Variants in NRG2 observed in about 807,000 individuals in gnomAD.
The protein encoded by NRG2 is pro-neuregulin-2, membrane-bound isoform.
In NRG2, 27 loss-of-function variants were observed where a neutral mutation model predicts 73.9. That is an observed-to-expected ratio of 0.37 (90% confidence interval 0.27 to 0.50). The LOEUF (loss-of-function observed/expected upper bound fraction) is 0.50. Among genes scored for constraint, NRG2 ranks in the 20% least tolerant of loss-of-function variants. The pLI, the probability that NRG2 is intolerant of heterozygous loss-of-function variation, is 0.96. For missense variants in NRG2, 1,126 were observed against 1,210.1 expected, an observed-to-expected ratio of 0.93 and a Z score of 1.03; for synonymous variants, 532 against 541.0, an observed-to-expected ratio of 0.98 and a Z score of 0.23.
chr5:140,034,049 C>G (rs1040025751), intron 1 of NRG2, among the ~76,000 whole-genome samples: 1 of 151,988 alleles, frequency 6.6e-6, no homozygotes, highest in Non-Finnish European at 1.5e-5. Flanking sequence ...ACCTCTGCCT[C>G]CCAAGTTCAA....
chr5:139,990,003 T>C (rs1328714847), intron 1 of NRG2, among the ~76,000 whole-genome samples: 4 of 151,454 alleles, frequency 2.6e-5, no homozygotes, highest in South Asian at 2.1e-4. Context: ...TTAGCCAGGA[T>C]GGTCTTGATC....
chr5:139,997,679 G>A (rs1298028159), intron 1 of NRG2, among the ~76,000 whole-genome samples: 1 of 152,214 alleles, frequency 6.6e-6, no homozygotes, highest in Non-Finnish European at 1.5e-5. Flanking sequence ...AGGGCCAAGG[G>A]CTCAGGAGTC....
chr5:139,969,063 A>T (rs143927006), intron 1 of NRG2, among the ~76,000 whole-genome samples: 170 of 152,354 alleles, frequency 1.1e-3, no homozygotes, highest in Middle Eastern at 0.01. Context: ...CCACAGTCCT[A>T]GCCTAGAACA....
intron 1 of NRG2, among the ~76,000 whole-genome samples, chr5:139,968,288 C>T (rs1293081938): frequency 6.6e-6 from 1 of 152,178 alleles, no homozygotes; most frequent in East Asian, 1.9e-4. Context: ...TGAGGCCGAC[C>T]ACAGAAAGAA....
intron 1 of NRG2, among the ~76,000 whole-genome samples, chr5:140,020,745 T>G (rs1226199586): frequency 6.6e-6 from 1 of 152,194 alleles, no homozygotes; most frequent in East Asian, 1.9e-4. Context: ...TAGCTTTTCA[T>G]GTAGAAAAAA....
Position 139,853,688 on chromosome 5 carries a change from T to G in NRG2, c.1293-661A>C, listed in dbSNP as rs1761621987. ...AATGCTCGATTTATTTGATATTAAATCTAATCATGTCCCTCCCCTGTTTAA... is the reference window on the plus strand; with the variant it reads ...AATGCTCGATTTATTTGATATTAAAGCTAATCATGTCCCTCCCCTGTTTAA... On this transcript the variant is annotated intron_variant, in intron 6 of 9. Transcript: ENST00000361474. This position sits in a 1 kb window ranked among gnomAD's most constrained non-coding sequence, Gnocchi z 4.1. 6.6e-6 allele frequency among the ~76,000 whole-genome samples: 1 copy of G among 152,084 alleles called. No homozygotes were observed. Among genetic ancestry groups the G allele is most frequent in the Non-Finnish European group, 1.5e-5 (1 of 68,030 alleles).
rs1403869708 is a variant in NRG2, at chr5:139,856,970, C to T, written c.1190-1192G>A. On this transcript the variant is annotated intron_variant, in intron 5 of 9. Coordinates refer to ENST00000361474, the MANE Select transcript of NRG2 (RefSeq NM_004883.3). The surrounding 1 kb of genome is among the most constrained non-coding windows in gnomAD (Gnocchi z 4.2). ...TGCCCACAGCCCTGGCTCCAGCTCT[C>T]ACGCCCCCTTCACATGCCTCATCCA... Among the ~76,000 whole-genome samples, 1 of 152,204 alleles carries T rather than the reference C, an allele frequency of 6.6e-6. No homozygotes were observed. Among genetic ancestry groups the T allele is most frequent in the African/African-American group, 2.4e-5 (1 of 41,454 alleles).
intron 1 of NRG2, among the ~76,000 whole-genome samples, chr5:140,024,356 G>T (rs1760498018): frequency 6.6e-6 from 1 of 151,540 alleles, no homozygotes; most frequent in Non-Finnish European, 1.5e-5. Flanking sequence ...CCGGGTTCAC[G>T]TCATTCTCCT....
chr5:139,988,512 A>G (rs1405565271), intron 1 of NRG2, among the ~76,000 whole-genome samples: 2 of 152,068 alleles, frequency 1.3e-5, no homozygotes, highest in African/African-American at 4.8e-5. Context: ...CCTTAAATCC[A>G]TATTGCTAAA....
In NRG2 at chr5:139,930,879, A is replaced by T. The variant is rs114067136; in HGVS notation, c.701-43368T>A. Among the ~76,000 whole-genome samples the T allele has an allele frequency of 3.4e-3, 525 of 152,334 alleles. 4 individuals are homozygous for T. Among genetic ancestry groups the T allele is most frequent in the African/African-American group, 0.012 (494 of 41,572 alleles). ...ACATTGGGCCACCAGACCCCATTCA[A>T]AGAATCCACAGATTTATCTGGGTCT... On this transcript the variant is annotated intron_variant, in intron 1 of 9. Coordinates refer to ENST00000361474, the MANE Select transcript of NRG2 (RefSeq NM_004883.3).
chr5:140,036,819 G>A (rs973706589), intron 1 of NRG2, among the ~76,000 whole-genome samples: 1 of 152,164 alleles, frequency 6.6e-6, no homozygotes, highest in Non-Finnish European at 1.5e-5. Context: ...AGAACAAGTT[G>A]TTGAAAACTG....
chr5:139,982,636 A>C (rs1053647723), intron 1 of NRG2, among the ~76,000 whole-genome samples: 10 of 152,180 alleles, frequency 6.6e-5, no homozygotes, highest in African/African-American at 2.4e-4. Flanking sequence ...GTTCTTTGAG[A>C]GTTGGAACCA....
chr5:139,984,302 G>A (rs1359376360), intron 1 of NRG2, among the ~76,000 whole-genome samples: 1 of 152,066 alleles, frequency 6.6e-6, no homozygotes, highest in Non-Finnish European at 1.5e-5. Flanking sequence ...TCCAGTGATG[G>A]AACATCAGCC....
At chr5:139,900,685 T>C (rs1041528646) in intron 1 of NRG2, among the ~76,000 whole-genome samples, 1 of 151,844 alleles carries the variant, frequency 6.6e-6, no homozygotes, top group Admixed American at 6.6e-5. Flanking sequence ...GCTAGTGGAG[T>C]AAGTGGGACT....
At position 139,968,959 on chromosome 5, in the gene NRG2, G is replaced by A. The variant is rs367922916; in HGVS notation, c.700+73411C>T. On this transcript the variant is annotated intron_variant, in intron 1 of 9. Coordinates refer to ENST00000361474, the MANE Select transcript of NRG2 (RefSeq NM_004883.3). ...TGGTGGAGAGATGAGGAAGGTGCGC[G>A]GGTCCGCGTTCAGGCAGGTAATGCC... 1.6e-4 allele frequency among the ~76,000 whole-genome samples: 24 copies of A among 152,360 alleles called. 2 individuals carry two copies. Among genetic ancestry groups the A allele is most frequent in the African/African-American group, 5.8e-4 (24 of 41,586 alleles).
chr5:139,897,306 G>T (rs1371150499), intron 1 of NRG2, among the ~76,000 whole-genome samples: 2 of 152,248 alleles, frequency 1.3e-5, no homozygotes, highest in Admixed American at 6.5e-5. Context: ...ATTGTGGAGA[G>T]AATTAAATGA....
chr5:139,972,388 T>A (rs931640446), intron 1 of NRG2, among the ~76,000 whole-genome samples: 3 of 152,154 alleles, frequency 2.0e-5, no homozygotes, highest in Non-Finnish European at 4.4e-5. Flanking sequence ...AAAGAAATAC[T>A]GATAATGTTT....
At chr5:139,943,575 T>C (rs921869874) in intron 1 of NRG2, among the ~76,000 whole-genome samples, 2 of 152,256 alleles carry the variant, frequency 1.3e-5, no homozygotes, top group African/African-American at 2.4e-5. Flanking sequence ...TTTGGTAATA[T>C]TGACATATAT....
At chr5:139,884,182 G>A (rs1000826929) in intron 2 of NRG2, among the ~76,000 whole-genome samples, 1 of 152,172 alleles carries the variant, frequency 6.6e-6, no homozygotes, top group African/African-American at 2.4e-5. Context: ...TCTCATGCTG[G>A]AAGGAGAGAC....
Sources: allele counts gnomAD v4.1 joint callset (sites outside exome capture counted in the v4.1 genomes callset), GRCh38; gene constraint gnomAD v4.1.1; non-coding constraint Gnocchi (gnomAD v3.1); transcripts MANE v1.5; gene names NCBI Gene and HGNC (gene_info 2026-07-23, HGNC 2026-07-21).